CEP128: variants seen among roughly 807,000 people sequenced by gnomAD.
CEP128 encodes the protein centrosomal protein 128kDa.
A neutral mutation model predicts 156.7 loss-of-function variants in CEP128; 132 were observed. The ratio of observed to expected loss-of-function variants is 0.84; its 90% confidence interval spans 0.73 to 0.97. The LOEUF (loss-of-function observed/expected upper bound fraction) is 0.97. CEP128 is among the 50% of genes least tolerant of loss of function. CEP128 has a pLI of 0.00. For missense variants in CEP128, 1,252 were observed against 1,281.9 expected (o/e 0.98, Z 0.36); for synonymous variants, 469 against 448.9 (o/e 1.04, Z -0.57).
At chr14:80,531,616 A>G (rs1889228560) in intron 21 of CEP128, among the ~76,000 whole-genome samples, 1 of 152,252 alleles carries the variant, frequency 6.6e-6, no homozygotes, top group Admixed American at 6.5e-5. Flanking sequence ...CTGTATCCTC[A>G]GCTCTGTCAC....
chr14:80,491,415 G>C (rs761777286), intron 6 of CEP128, among the ~76,000 whole-genome samples: 6 of 152,224 alleles, frequency 3.9e-5, no homozygotes, highest in Middle Eastern at 3.4e-3. Context: ...AGGCCAGAGG[G>C]GGGGAAAAAG....
intron 21 of CEP128, among the ~76,000 whole-genome samples, chr14:80,554,030 C>T (rs1257203252): frequency 6.6e-6 from 1 of 152,114 alleles, no homozygotes; most frequent in East Asian, 1.9e-4. Context: ...GAAAGTTTCC[C>T]TCTATTCTTA....
chr14:80,672,099 C>T (rs2140932863), intron 19 of CEP128, among the ~76,000 whole-genome samples: 1 of 152,070 alleles, frequency 6.6e-6, no homozygotes, highest in East Asian at 1.9e-4. Context: ...GTTTCTAGGC[C>T]TATTTTTCTT....
intron 19 of CEP128, among the ~76,000 whole-genome samples, chr14:80,603,887 C>T (rs1892677530): frequency 6.6e-6 from 1 of 152,110 alleles, no homozygotes; most frequent in African/African-American, 2.4e-5. Context: ...GCTTCTCCCT[C>T]CCCATACCTT....
intron 13 of CEP128, among the ~76,000 whole-genome samples, chr14:80,800,430 G>T (rs1883774712): frequency 6.6e-6 from 1 of 152,156 alleles, no homozygotes; most frequent in African/African-American, 2.4e-5. Flanking sequence ...TACAGATCAG[G>T]AAATTGAGGC....
chr14:80,612,829 A>G (rs904524363), intron 19 of CEP128, among the ~76,000 whole-genome samples: 1 of 151,898 alleles, frequency 6.6e-6, no homozygotes, highest in Non-Finnish European at 1.5e-5. Flanking sequence ...AGAAACCAGA[A>G]AGTGTTTTTT....
At chr14:80,649,705 A>G (rs1356269118) in intron 19 of CEP128, among the ~76,000 whole-genome samples, 4 of 152,140 alleles carry the variant, frequency 2.6e-5, no homozygotes, top group Admixed American at 6.6e-5. Flanking sequence ...AAACCACTGG[A>G]ATTGAGAATG....
intron 9 of CEP128, among the ~76,000 whole-genome samples, chr14:80,853,880 G>C (rs1177021316): frequency 2.0e-5 from 3 of 151,890 alleles, no homozygotes; most frequent in Non-Finnish European, 4.4e-5. Flanking sequence ...ATTTAAATTA[G>C]AGTGGAAAGA....
At chr14:80,859,494 A>T (rs1887404937) in intron 9 of CEP128, among the ~76,000 whole-genome samples, 1 of 151,840 alleles carries the variant, frequency 6.6e-6, no homozygotes. Context: ...ACATGTATAC[A>T]TATGTAACTA....
chr14:80,536,347 T>C (rs915313233), intron 21 of CEP128, among the ~76,000 whole-genome samples: 2 of 152,324 alleles, frequency 1.3e-5, no homozygotes, highest in South Asian at 2.1e-4. Context: ...TATAGTGTTA[T>C]TGAAATCATA....
intron 13 of CEP128, among the ~76,000 whole-genome samples, chr14:80,816,751 G>A (rs1418381505): frequency 1.3e-5 from 2 of 152,170 alleles, no homozygotes; most frequent in Non-Finnish European, 2.9e-5. Flanking sequence ...GATCTGGAGA[G>A]TGATCAGCTA....
intron 15 of CEP128, 131 bp downstream of exon 15, chr14:80,784,764 T>C (rs1901306690): frequency 2.4e-6 from 2 of 822,422 alleles, no homozygotes; most frequent in African/African-American, 1.7e-5. Context: ...AATAAGCCTC[T>C]TTATTGTTGG....
At chr14:80,858,936 T>G (rs1323871479) in intron 9 of CEP128, among the ~76,000 whole-genome samples, 2 of 152,102 alleles carry the variant, frequency 1.3e-5, no homozygotes, top group Admixed American at 6.5e-5. Flanking sequence ...GGAACACTTT[T>G]ACACTGTTGG....
intron 19 of CEP128, among the ~76,000 whole-genome samples, chr14:80,663,679 A>T (rs557554997): frequency 6.6e-6 from 1 of 152,320 alleles, no homozygotes; most frequent in South Asian, 2.1e-4. Context: ...ATTGCACTGA[A>T]TTCTCACAAC....
intron 24 of CEP128, among the ~76,000 whole-genome samples, chr14:80,502,736 G>C (rs1183250253): frequency 4.0e-5 from 6 of 151,882 alleles, no homozygotes; most frequent in Admixed American, 3.9e-4. Flanking sequence ...TCTGTTCCCT[G>C]TATTACTCAT....
At chr14:80,591,308 G>A (rs1176218656) in intron 19 of CEP128, among the ~76,000 whole-genome samples, 2 of 151,902 alleles carry the variant, frequency 1.3e-5, no homozygotes, top group Non-Finnish European at 2.9e-5. Flanking sequence ...AAGGGATGGA[G>A]GAATATTTAC....
At chr14:80,575,893 A>G (rs1891334014) in intron 20 of CEP128, among the ~76,000 whole-genome samples, 1 of 152,182 alleles carries the variant, frequency 6.6e-6, no homozygotes, top group African/African-American at 2.4e-5. Context: ...AAATGAAGAG[A>G]GATGACTGGA....
At chr14:80,682,964 G>T (rs563010161) in intron 19 of CEP128, among the ~76,000 whole-genome samples, 1 of 152,014 alleles carries the variant, frequency 6.6e-6, no homozygotes, top group East Asian at 1.9e-4. Flanking sequence ...GGAAACAAAA[G>T]AATGATAGCT....
chr14:80,703,624 G>A (rs1897144533), intron 19 of CEP128, among the ~76,000 whole-genome samples: 1 of 151,508 alleles, frequency 6.6e-6, no homozygotes, highest in African/African-American at 2.4e-5. Context: ...GCTTATTATT[G>A]TGAGATAATA....
Sources: gnomAD v4.1 joint callset for allele counts (sites outside exome capture counted in the v4.1 genomes callset) on GRCh38, gnomAD v4.1.1 for gene constraint, MANE v1.5 for transcripts, NCBI Gene and HGNC (gene_info 2026-07-23, HGNC 2026-07-21) for gene names.